SNRPD1: variants seen among roughly 807,000 people sequenced by gnomAD.
The protein encoded by SNRPD1 is small nuclear ribonucleoprotein Sm D1.
In SNRPD1, 1 loss-of-function variant was observed where a neutral mutation model predicts 14.4. The ratio of observed to expected loss-of-function variants is 0.07; its 90% CI spans 0.02 to 0.33. SNRPD1 has a LOEUF of 0.33. Among genes scored for constraint, SNRPD1 ranks in the 10% least tolerant of loss-of-function variants. SNRPD1 has a pLI of 1.00. For synonymous variants in SNRPD1, 42 were observed against 50.3 expected (o/e 0.83, Z 0.70); for missense variants, 52 against 146.4 (o/e 0.36, Z 3.33).
chr18:21,614,042 G>A (rs943684416), intron 1 of SNRPD1, among the ~76,000 whole-genome samples: 10 of 152,152 alleles, frequency 6.6e-5, no homozygotes, highest in African/African-American at 4.8e-5. Flanking sequence ...GGAGGCTGAG[G>A]CAGGCGGATC....
rs1268020060 is a variant in SNRPD1, at chr18:21,616,117, C to G, written c.14+3674C>G. Among the ~76,000 whole-genome samples the G allele has an allele frequency of 2.6e-5, 4 of 152,158 alleles. No homozygotes were observed. In the East Asian group the frequency reaches 5.8e-4, roughly 22 times the overall value. On this transcript the variant is annotated intron_variant, in intron 1 of 3. Coordinates refer to ENST00000300413, the MANE Select transcript of SNRPD1 (RefSeq NM_006938.4). The stretch of plus-strand genomic sequence containing the variant: ...TCTCCTGCCTCAGCCTCCCGAGTAG[C>G]TGGGACTACAGGCGCCTGCCACCAC...
intron 3 of SNRPD1, among the ~76,000 whole-genome samples, chr18:21,627,774 C>T (rs1175230550): frequency 1.3e-5 from 2 of 152,144 alleles, no homozygotes; most frequent in Admixed American, 6.6e-5. Context: ...TGTCATATAA[C>T]TACAAAAAAT....
rs2039079146 is a variant in SNRPD1, at chr18:21,630,962, A to G, written c.*1824A>G. The G allele has an allele frequency of 6.6e-6, 1 of 151,382 alleles. No homozygotes were observed. The highest frequency in any genetic ancestry group is 2.4e-5 in the African/African-American group (1 of 41,258). 9.4% of individuals were successfully genotyped at this position (151,382 alleles called of 1,614,324 possible). A position where few individuals can be genotyped will look rare whatever the true frequency, so the allele number is the denominator to read the frequency against. ...TATCTTACCTCATCAAGTAAATTCAAATGCTTTTTGATTTTTCCACAGTTG... is the reference window on the plus strand; with the variant it reads ...TATCTTACCTCATCAAGTAAATTCAGATGCTTTTTGATTTTTCCACAGTTG... On this transcript the variant is annotated 3_prime_UTR_variant, in exon 4 of 4. Transcript: ENST00000300413.
In SNRPD1 at chr18:21,622,632, C is replaced by A. The variant is rs111926383; in HGVS notation, c.15-93C>A. ...AGGAATTGATGCAGATAGCATCTAG[C>A]AAATTTTCAACATCGAGTTGTTTCA... On this transcript the variant is annotated intron_variant, in intron 1 of 3. Coordinates refer to ENST00000300413, the MANE Select transcript of SNRPD1 (RefSeq NM_006938.4). 2.6e-3 allele frequency: 1,682 copies of A among 658,392 alleles called. 27 individuals carry two copies. The African/African-American group carries it at 0.028, about 11-fold the overall frequency. The allele number at this position is 658,392 out of a possible 1,614,324, so 40.8% of individuals were successfully genotyped here. A position where few individuals can be genotyped will look rare whatever the true frequency, so the allele number is the denominator to read the frequency against.
At chr18:21,616,183 C>T (rs1568123124) in intron 1 of SNRPD1, among the ~76,000 whole-genome samples, 1 of 151,502 alleles carries the variant, frequency 6.6e-6, no homozygotes. Context: ...GACGGGATTT[C>T]ACCGTGTTAG....
chr18:21,623,718 TAA>T, intron 2 of SNRPD1, 28 bp from the exon 3 acceptor site: 1 of 1,523,718 alleles, frequency 6.6e-7, no homozygotes, highest in Non-Finnish European at 9.0e-7. Context: ...TGTATCATAC[TAA>T]TAACTGCACA....
At chr18:21,624,342 G>A (rs1340230216) in intron 3 of SNRPD1, among the ~76,000 whole-genome samples, 1 of 150,010 alleles carries the variant, frequency 6.7e-6, no homozygotes, top group Non-Finnish European at 1.5e-5. Context: ...TCTCACCACT[G>A]CACTCCAGCC....
intron 1 of SNRPD1, among the ~76,000 whole-genome samples, chr18:21,614,818 CA>C (rs990897480): frequency 6.6e-6 from 1 of 152,126 alleles, no homozygotes; most frequent in African/African-American, 2.4e-5. Flanking sequence ...GTGAAAGATT[CA>C]TCTGAAAATA....
chr18:21,625,206 A>G (rs1316096842), intron 3 of SNRPD1, among the ~76,000 whole-genome samples: 2 of 151,380 alleles, frequency 1.3e-5, no homozygotes, highest in African/African-American at 4.9e-5. Context: ...CCCCCGCCTC[A>G]TATCATCTTA....
chr18:21,615,575 G>A (rs981783190), intron 1 of SNRPD1, among the ~76,000 whole-genome samples: 3 of 151,480 alleles, frequency 2.0e-5, no homozygotes, highest in African/African-American at 7.3e-5. Flanking sequence ...CTGAGATCAC[G>A]CCATTGCACT....
rs142797517 is a variant in SNRPD1 at position 21,629,239 on chromosome 18, C to T, written c.*101C>T. 8.3e-3 allele frequency: 7,457 copies of T among 897,248 alleles called. 54 individuals carry two copies. Among genetic ancestry groups the T allele is most frequent in the Non-Finnish European group, 9.5e-3 (5,156 of 540,232 alleles). The allele number at this position is 897,248 out of a possible 1,614,324, so 55.6% of individuals were successfully genotyped here. On this transcript the variant is annotated 3_prime_UTR_variant, in exon 4 of 4. Coordinates refer to ENST00000300413, the MANE Select transcript of SNRPD1 (RefSeq NM_006938.4). ...TAATAAACATAAATGTGGGACAGAGCTGTCTATTTAGTATATCAAAGTTTT... is the reference window on the plus strand; with the variant it reads ...TAATAAACATAAATGTGGGACAGAGTTGTCTATTTAGTATATCAAAGTTTT...
rs2039076954 is a variant in SNRPD1 at position 21,630,840 on chromosome 18, A to T, written c.*1702A>T. On this transcript the variant is annotated 3_prime_UTR_variant, in exon 4 of 4. Coordinates refer to ENST00000300413, the MANE Select transcript of SNRPD1 (RefSeq NM_006938.4). ...CTAATATATAAATATATACTAATAGATATATTAGTATACATGTAGAATGTA... is the reference window on the plus strand; with the variant it reads ...CTAATATATAAATATATACTAATAGTTATATTAGTATACATGTAGAATGTA... The T allele has an allele frequency of 2.0e-5, 3 of 148,534 alleles. No individual in the cohort carries two copies. The South Asian group carries it at 6.2e-4, about 31-fold the overall frequency. 9.2% of individuals were successfully genotyped at this position (148,534 alleles called of 1,614,324 possible).
At chr18:21,627,790 A>C (rs962580633) in intron 3 of SNRPD1, among the ~76,000 whole-genome samples, 11 of 152,140 alleles carry the variant, frequency 7.2e-5, no homozygotes, top group Non-Finnish European at 1.0e-4. Flanking sequence ...AAAATTAGAA[A>C]TTTTACATTG....
intron 1 of SNRPD1, among the ~76,000 whole-genome samples, chr18:21,619,223 A>T (rs1188972810): frequency 1.3e-5 from 2 of 152,142 alleles, no homozygotes; most frequent in African/African-American, 2.4e-5. Context: ...TCTATTGTCC[A>T]GGCTGGAGTT....
At chr18:21,620,721 A>G (rs1369441145) in intron 1 of SNRPD1, among the ~76,000 whole-genome samples, 1 of 152,198 alleles carries the variant, frequency 6.6e-6, no homozygotes, top group Non-Finnish European at 1.5e-5. Flanking sequence ...CATAAAAGTG[A>G]AAAAAGTTTG....
Position 21,625,309 on chromosome 18 carries a change from GAA to G in SNRPD1, c.283+1376_283+1377del, listed in dbSNP as rs201010894. 9.9e-4 allele frequency among the ~76,000 whole-genome samples: 87 copies of G among 88,196 alleles called. No individual in the cohort carries two copies. In the Middle Eastern group the frequency reaches 0.021, roughly 22 times the overall value. 57.9% of individuals were successfully genotyped at this position (88,196 alleles called of 152,430 possible). The stretch of plus-strand genomic sequence containing the variant: ...TCTACTTTCTATTTAAAATTTTGTT[GAA>G]AAAAATTTTTTTTTTTTTTTTTGAG... On this transcript the variant is annotated intron_variant, in intron 3 of 3. Transcript: ENST00000300413.
intron 3 of SNRPD1, 23 bp from the exon 4 acceptor site, chr18:21,629,039 G>A (rs761818957): frequency 1.9e-6 from 3 of 1,599,238 alleles, no homozygotes; most frequent in Non-Finnish European, 2.6e-6. Context: ...AATTGAACTT[G>A]GTTTGTTTTT....
intron 1 of SNRPD1, among the ~76,000 whole-genome samples, chr18:21,613,325 T>A (rs1474008955): frequency 6.6e-6 from 1 of 152,240 alleles, no homozygotes; most frequent in Non-Finnish European, 1.5e-5. Context: ...TTCTAATAGC[T>A]AAGCCAGCAA....
intron 1 of SNRPD1, among the ~76,000 whole-genome samples, chr18:21,616,287 G>A (rs372239252): frequency 1.3e-5 from 2 of 149,450 alleles, no homozygotes; most frequent in East Asian, 4.1e-4. Context: ...GCCCAGCCCA[G>A]AGTTGTAGAA....
Sources: allele counts gnomAD v4.1 joint callset (sites outside exome capture counted in the v4.1 genomes callset), GRCh38; gene constraint gnomAD v4.1.1; transcripts MANE v1.5; gene names NCBI Gene and HGNC (gene_info 2026-07-23, HGNC 2026-07-21).